Variants in MOB3B observed in about 807,000 individuals in gnomAD.
The protein encoded by MOB3B is MOB kinase activator 3B, also known as MOB kinase activator-like 2B.
Under a neutral mutation model 18.7 loss-of-function variants are expected in MOB3B, and 7 were observed. The ratio of observed to expected loss-of-function variants is 0.37; its 90% CI spans 0.21 to 0.70. MOB3B has a LOEUF of 0.70. Ranked by LOEUF, MOB3B falls within the 30% of genes least tolerant of loss-of-function variation. The probability of loss-of-function intolerance (pLI) is 0.52; values close to 1 mark genes in which losing one functional copy is unlikely to be tolerated. For missense variants in MOB3B, 253 were observed against 281.3 expected, an observed-to-expected ratio of 0.90 and a Z score of 0.72; for synonymous variants, 111 against 99.9, an observed-to-expected ratio of 1.11 and a Z score of -0.66.
At position 27,506,692 on chromosome 9, in the gene MOB3B, G is replaced by A. The variant is rs182417781; in HGVS notation, c.-199+22863C>T. 4.9e-3 allele frequency among the ~76,000 whole-genome samples: 744 copies of A among 151,358 alleles called. 6 individuals are homozygous for A. Among genetic ancestry groups the A allele is most frequent in the African/African-American group, 0.017 (720 of 41,230 alleles). ...ATTACAGGCACCCGCCACCACGCCC[G>A]GCTAATTTTTTGTAATTTTAGTAGA... On this transcript the variant is annotated intron_variant, in intron 1 of 3. Coordinates refer to ENST00000262244, the MANE Select transcript of MOB3B (RefSeq NM_024761.5).
At chr9:27,434,573 C>A (rs1822467044) in intron 2 of MOB3B, among the ~76,000 whole-genome samples, 1 of 152,036 alleles carries the variant, frequency 6.6e-6, no homozygotes, top group Non-Finnish European at 1.5e-5. Flanking sequence ...GTCCATATAC[C>A]TACTTGAATA....
At chr9:27,367,649 G>A (rs1317754794) in intron 2 of MOB3B, among the ~76,000 whole-genome samples, 2 of 152,220 alleles carry the variant, frequency 1.3e-5, no homozygotes, top group Non-Finnish European at 2.9e-5. Flanking sequence ...CACACAGAAG[G>A]CATCTGGCAA....
intron 3 of MOB3B, among the ~76,000 whole-genome samples, chr9:27,335,636 T>G (rs1041899450): frequency 1.3e-5 from 2 of 152,126 alleles, no homozygotes; most frequent in African/African-American, 2.4e-5. Context: ...CGACGCTCCT[T>G]CTCTCCCATG....
Position 27,521,481 on chromosome 9 carries a change from G to A in MOB3B, c.-199+8074C>T, listed in dbSNP as rs1284524339. ...TACTAAGCACCACGGGCAATTTCAGGGAAGAGGGGAATGCACTAAATTGGG... is the reference window on the plus strand; with the variant it reads ...TACTAAGCACCACGGGCAATTTCAGAGAAGAGGGGAATGCACTAAATTGGG... On this transcript the variant is annotated intron_variant, in intron 1 of 3. Transcript: ENST00000262244. Among the ~76,000 whole-genome samples the A allele has an allele frequency of 2.6e-5, 4 of 152,164 alleles. No individual in the cohort carries two copies. In the East Asian group the frequency reaches 7.7e-4, roughly 29 times the overall value.
chr9:27,410,511 T>C (rs569210290), intron 2 of MOB3B, among the ~76,000 whole-genome samples: 1 of 151,866 alleles, frequency 6.6e-6, no homozygotes, highest in Non-Finnish European at 1.5e-5. Context: ...TTCTGGAAAA[T>C]CTTTCCTTGT....
At chr9:27,426,259 AC>A (rs1822327743) in intron 2 of MOB3B, among the ~76,000 whole-genome samples, 1 of 152,230 alleles carries the variant, frequency 6.6e-6, no homozygotes, top group Admixed American at 6.5e-5. Context: ...AAAGTCATGT[AC>A]ATTGAGTGTT....
At chr9:27,420,486 T>C (rs1331382217) in intron 2 of MOB3B, among the ~76,000 whole-genome samples, 1 of 145,972 alleles carries the variant, frequency 6.9e-6, no homozygotes, top group South Asian at 2.1e-4. Context: ...TCTATATATT[T>C]CATATATATT....
chr9:27,343,272 A>G (rs928218607), intron 3 of MOB3B, among the ~76,000 whole-genome samples: 50 of 151,622 alleles, frequency 3.3e-4, no homozygotes, highest in Non-Finnish European at 6.0e-4. Context: ...GATGCTTGAA[A>G]GCAGCATGCT....
intron 3 of MOB3B, among the ~76,000 whole-genome samples, chr9:27,351,248 C>G (rs1252407366): frequency 7.3e-6 from 1 of 137,746 alleles, no homozygotes; most frequent in East Asian, 2.0e-4. Flanking sequence ...CAAAGAGAAA[C>G]GGTTGTCTTG....
At chr9:27,364,706 G>A (rs568063585) in intron 2 of MOB3B, among the ~76,000 whole-genome samples, 2 of 152,300 alleles carry the variant, frequency 1.3e-5, no homozygotes, top group East Asian at 3.9e-4. Flanking sequence ...GTTATTTGTA[G>A]CTTAGGGTGT....
chr9:27,439,633 G>T (rs529786788), intron 2 of MOB3B, among the ~76,000 whole-genome samples: 1 of 152,172 alleles, frequency 6.6e-6, no homozygotes, highest in Non-Finnish European at 1.5e-5. Context: ...GGGACCTCAT[G>T]CTTTGGTGTC....
intron 2 of MOB3B, chr9:27,378,541 C>A (rs772340669): frequency 2.1e-6 from 1 of 471,038 alleles, no homozygotes. Context: ...GGCAGCTTGG[C>A]CAAAGGACCG....
intron 2 of MOB3B, among the ~76,000 whole-genome samples, chr9:27,371,698 G>C (rs771191158): frequency 1.3e-5 from 2 of 152,192 alleles, no homozygotes; most frequent in Non-Finnish European, 1.5e-5. Flanking sequence ...ATGATCGGGA[G>C]TGGCGTGGAC....
At chr9:27,456,223 A>G (rs1374837613) in intron 1 of MOB3B, among the ~76,000 whole-genome samples, 1 of 152,206 alleles carries the variant, frequency 6.6e-6, no homozygotes, top group Admixed American at 6.5e-5. Context: ...GGGAATTTGG[A>G]ATCAGGACTC....
At chr9:27,335,624 G>A (rs1318750319) in intron 3 of MOB3B, among the ~76,000 whole-genome samples, 1 of 152,018 alleles carries the variant, frequency 6.6e-6, no homozygotes, top group Non-Finnish European at 1.5e-5. Context: ...CCCATCGGTG[G>A]CCGACGCTCC....
intron 3 of MOB3B, among the ~76,000 whole-genome samples, chr9:27,357,774 A>G (rs1447015317): frequency 6.6e-6 from 1 of 151,528 alleles, no homozygotes; most frequent in African/African-American, 2.4e-5. Context: ...AAACCTGGCC[A>G]GGCATGGTGG....
chr9:27,370,337 C>T (rs550025418), intron 2 of MOB3B, among the ~76,000 whole-genome samples: 3 of 152,048 alleles, frequency 2.0e-5, no homozygotes, highest in East Asian at 1.9e-4. Flanking sequence ...GGAGAAACCC[C>T]GTCTGTACTA....
intron 3 of MOB3B, among the ~76,000 whole-genome samples, chr9:27,337,810 C>A (rs1209728096): frequency 2.6e-5 from 4 of 152,186 alleles, no homozygotes; most frequent in African/African-American, 9.7e-5. Flanking sequence ...AAGGCAAGGG[C>A]AGGTGTGCTT....
intron 1 of MOB3B, among the ~76,000 whole-genome samples, chr9:27,495,961 G>A (rs1352352782): frequency 6.6e-6 from 1 of 152,120 alleles, no homozygotes; most frequent in African/African-American, 2.4e-5. Context: ...CATATCACTA[G>A]GACAACATCA....
Sources: gnomAD v4.1 joint callset for allele counts (sites outside exome capture counted in the v4.1 genomes callset) on GRCh38, gnomAD v4.1.1 for gene constraint, MANE v1.5 for transcripts, NCBI Gene and HGNC (gene_info 2026-07-23, HGNC 2026-07-21) for gene names.